SIPA1L2: variants seen among roughly 807,000 people sequenced by gnomAD.
The protein encoded by SIPA1L2 is signal-induced proliferation-associated 1-like protein 2.
SIPA1L2 carries 56 observed loss-of-function variants against 163.9 expected under a neutral mutation model. The ratio of observed to expected loss-of-function variants is 0.34; its 90% CI spans 0.28 to 0.43. The LOEUF (loss-of-function observed/expected upper bound fraction) is 0.43, where lower values mean the gene tolerates loss of function less well. Among genes scored for constraint, SIPA1L2 ranks in the 20% least tolerant of loss-of-function variants. SIPA1L2 has a pLI of 1.00. For synonymous variants in SIPA1L2, 877 were observed against 865.7 expected (o/e 1.01, Z -0.23); for missense variants, 1,974 against 2,193.5 (o/e 0.90, Z 2.00).
intron 2 of SIPA1L2, among the ~76,000 whole-genome samples, chr1:232,522,307 A>T (rs79228224): frequency 0.015 from 2,317 of 152,076 alleles, 63 homozygotes; most frequent in African/African-American, 0.053. Flanking sequence ...TCCACCCTCC[A>T]TGCTCCCATG....
At chr1:232,444,008 T>C (rs1304313137) in intron 11 of SIPA1L2, among the ~76,000 whole-genome samples, 1 of 152,210 alleles carries the variant, frequency 6.6e-6, no homozygotes, top group Non-Finnish European at 1.5e-5. Context: ...TTTCCGAGAA[T>C]ACAGAATTAT....
rs373783742 is a variant in SIPA1L2 at position 232,415,644 on chromosome 1, A to T, written c.4631-19T>A. The stretch of plus-strand genomic sequence containing the variant: ...AACTCATCTAAACAGAAACAAAACC[A>T]GAGAGTCAGTCATCAGTCACAGCAC... On this transcript the variant is annotated intron_variant, in intron 18 of 22. Coordinates refer to ENST00000674635, the MANE Select transcript of SIPA1L2 (RefSeq NM_020808.5). The T allele has an allele frequency of 6.2e-7, 1 of 1,613,584 alleles. No individual in the cohort carries two copies. The highest frequency in any genetic ancestry group is 1.3e-5 in the African/African-American group (1 of 74,920).
At position 232,572,774 on chromosome 1, in the gene SIPA1L2, TA is replaced by T. The variant is rs1558277917; in HGVS notation, c.-270+1399del. Among the ~76,000 whole-genome samples the T allele has an allele frequency of 3.7e-4, 41 of 112,180 alleles. No individual in the cohort carries two copies. The East Asian group carries it at 4.1e-3, about 11-fold the overall frequency. 73.6% of individuals were successfully genotyped at this position (112,180 alleles called of 152,430 possible). A position where few individuals can be genotyped will look rare whatever the true frequency, so the allele number is the denominator to read the frequency against. ...ATATATATATATATATATATATATA[TA>T]TATATTTATTTATTTATTTTTTCCT... On this transcript the variant is annotated intron_variant, in intron 2 of 22. Transcript: ENST00000674635.
chr1:232,428,350 CTTT>C (rs34949132), intron 17 of SIPA1L2, 58 bp downstream of exon 17: 17,645 of 826,630 alleles, frequency 0.021, no homozygotes, highest in East Asian at 0.049. Flanking sequence ...TTTCTTTAGA[CTTT>C]TTTTTTTTTT....
chr1:232,546,589 C>G (rs1392871040), intron 2 of SIPA1L2, among the ~76,000 whole-genome samples: 1 of 152,198 alleles, frequency 6.6e-6, no homozygotes, highest in Non-Finnish European at 1.5e-5. Context: ...GCGTGGCAAA[C>G]TGAACACAGT....
chr1:232,463,442 G>C (rs561637294), intron 9 of SIPA1L2, among the ~76,000 whole-genome samples: 1 of 152,250 alleles, frequency 6.6e-6, no homozygotes, highest in African/African-American at 2.4e-5. Context: ...GTTTCCAACA[G>C]CTCATGTTGC....
At position 232,506,869 on chromosome 1, in the gene SIPA1L2, CACTTATG is replaced by C. The variant is rs370119956; in HGVS notation, c.1483+6981_1483+6987del. 2.0e-3 allele frequency among the ~76,000 whole-genome samples: 307 copies of C among 152,220 alleles called. 3 individuals carry two copies. The highest frequency in any genetic ancestry group is 7.1e-3 in the African/African-American group (295 of 41,532). ...TAGATCATAATTTTAAATATATGAG[CACTTATG>C]ACTTACATTTGTAAAATTTTTAACT... On this transcript the variant is annotated intron_variant, in intron 3 of 22. Coordinates refer to ENST00000674635, the MANE Select transcript of SIPA1L2 (RefSeq NM_020808.5).
chr1:232,607,271 T>C (rs1463625043), intron 1 of SIPA1L2, among the ~76,000 whole-genome samples: 1 of 152,194 alleles, frequency 6.6e-6, no homozygotes, highest in Non-Finnish European at 1.5e-5. Flanking sequence ...AATATACTGC[T>C]TACCAAGAAA....
chr1:232,613,682 A>C (rs979677456), intron 1 of SIPA1L2, among the ~76,000 whole-genome samples: 1 of 73,310 alleles, frequency 1.4e-5, no homozygotes, highest in Admixed American at 1.2e-4. Flanking sequence ...ATTAAGTTAA[A>C]ATTCAAGAAC....
chr1:232,531,255 C>T (rs528818428), intron 2 of SIPA1L2, among the ~76,000 whole-genome samples: 13 of 144,310 alleles, frequency 9.0e-5, no homozygotes, highest in African/African-American at 3.0e-4. Flanking sequence ...CCAACCAAAA[C>T]CACTTAAGAC....
intron 1 of SIPA1L2, among the ~76,000 whole-genome samples, chr1:232,584,020 C>T (rs941731073): frequency 5.9e-5 from 9 of 152,282 alleles, no homozygotes; most frequent in Admixed American, 4.6e-4. Context: ...AACTCTTCCC[C>T]GCTCTCTGTA....
chr1:232,485,803 T>C (rs1665617087), intron 5 of SIPA1L2, among the ~76,000 whole-genome samples: 1 of 152,168 alleles, frequency 6.6e-6, no homozygotes, highest in African/African-American at 2.4e-5. Flanking sequence ...TCCCTGGTTA[T>C]TTGGCCCTGG....
At chr1:232,591,230 A>T (rs1040157911) in intron 1 of SIPA1L2, among the ~76,000 whole-genome samples, 1 of 152,278 alleles carries the variant, frequency 6.6e-6, no homozygotes, top group Non-Finnish European at 1.5e-5. Context: ...CTATTACAAA[A>T]ATAGTTCACA....
intron 1 of SIPA1L2, among the ~76,000 whole-genome samples, chr1:232,609,092 G>C (rs768700964): frequency 1.3e-5 from 2 of 152,062 alleles, no homozygotes; most frequent in Admixed American, 6.5e-5. Flanking sequence ...CACCCACATC[G>C]AACTAGCCAT....
chr1:232,624,384 C>G (rs147261821), intron 1 of SIPA1L2, among the ~76,000 whole-genome samples: 181 of 152,364 alleles, frequency 1.2e-3, no homozygotes, highest in African/African-American at 4.0e-3. Context: ...TGAATACCCA[C>G]TGTTCAACAA....
intron 2 of SIPA1L2, among the ~76,000 whole-genome samples, chr1:232,554,774 C>T (rs569616565): frequency 1.3e-5 from 2 of 152,116 alleles, no homozygotes; most frequent in Admixed American, 6.5e-5. Context: ...AGGCATTCCA[C>T]GGAGTTTCTT....
At chr1:232,579,736 C>T (rs1424590289) in intron 1 of SIPA1L2, among the ~76,000 whole-genome samples, 1 of 152,230 alleles carries the variant, frequency 6.6e-6, no homozygotes, top group African/African-American at 2.4e-5. Context: ...TTCCTCTTCA[C>T]TCTCCAAGCT....
rs774927103 is a variant in SIPA1L2, at chr1:232,432,393, G to A, written c.4110C>T (p.Ile1370=). The change falls in exon 16 of 23, where the codon ATC becomes ATT. Residue 1370 remains isoleucine (I), a synonymous_variant. Coordinates refer to ENST00000674635, the MANE Select transcript of SIPA1L2 (RefSeq NM_020808.5). ...CCTGTTGTCCGCTGCTGTGAGACAC[G>A]ATGTAGACTTTGGATGAATCCAGAG... ...SGSLDSSKVY[I]VSHSSGQQVP... is the part of the protein sequence containing the mutation. 2.5e-6 allele frequency: 4 copies of A among 1,614,096 alleles called. No individual in the cohort carries two copies. The highest frequency in any genetic ancestry group is 1.1e-5 in the South Asian group (1 of 91,094).
At chr1:232,537,861 C>A (rs1657409204) in intron 2 of SIPA1L2, among the ~76,000 whole-genome samples, 1 of 152,246 alleles carries the variant, frequency 6.6e-6, no homozygotes, top group Non-Finnish European at 1.5e-5. Flanking sequence ...TATTATTGTT[C>A]ATTCATGATC....
Sources: allele counts gnomAD v4.1 joint callset (sites outside exome capture counted in the v4.1 genomes callset), GRCh38; gene constraint gnomAD v4.1.1; transcripts MANE v1.5; gene names NCBI Gene and HGNC (gene_info 2026-07-23, HGNC 2026-07-21).